MED13L: variants seen among roughly 807,000 people sequenced by gnomAD.
MED13L encodes the protein mediator of RNA polymerase II transcription subunit 13-like.
In MED13L, 7 loss-of-function variants were observed where a neutral mutation model predicts 220.9. The ratio of observed to expected loss-of-function variants is 0.03; its 90% CI spans 0.02 to 0.06. The LOEUF (loss-of-function observed/expected upper bound fraction) is 0.06, where lower values mean the gene tolerates loss of function less well. Among genes scored for constraint, MED13L ranks in the 10% least tolerant of loss-of-function variants. The pLI is 1.00. For synonymous variants in MED13L, 1,011 were observed against 1,015.2 expected (o/e 1.00, Z 0.08); for missense variants, 1,965 against 2,760.5 (o/e 0.71, Z 6.46).
At chr12:116,035,654 G>C (rs572163920) in intron 4 of MED13L, among the ~76,000 whole-genome samples, 1 of 151,976 alleles carries the variant, frequency 6.6e-6, no homozygotes, top group Non-Finnish European at 1.5e-5. Flanking sequence ...GCAGTGGCGC[G>C]ATCATGACTC....
Position 116,237,541 on chromosome 12 carries a change from A to T in MED13L, c.237T>A (p.Asp79Glu). 2.5e-6 allele frequency: 4 copies of T among 1,614,176 alleles called. No homozygotes were observed. The highest frequency in any genetic ancestry group is 3.4e-6 in the Non-Finnish European group (4 of 1,180,042). The change falls in exon 2 of 31, where the codon GAT (aspartate) becomes GAA (glutamate). Residue 79 changes from aspartate (D) to glutamate (E), a missense_variant. This residue lies in a region of MED13L where 818 missense variants were observed against 1,041.2 expected (regional missense o/e 0.79). Coordinates refer to ENST00000281928, the MANE Select transcript of MED13L (RefSeq NM_015335.5). ...LCVWRRDVKP[D>E]CKELWIFWWG... is the part of the protein sequence containing the mutation. ...ACCAGAATATCCATAACTCTTTGCAATCTGGTTTGACATCACGACGCCATA... is the reference window on the plus strand; with the variant it reads ...ACCAGAATATCCATAACTCTTTGCATTCTGGTTTGACATCACGACGCCATA...
At position 115,991,505 on chromosome 12, in the gene MED13L, G is replaced by T. The variant is rs933091120; in HGVS notation, c.3449C>A (p.Pro1150His). 1 of 1,614,142 alleles carries T rather than the reference G, an allele frequency of 6.2e-7. No individual in the cohort carries two copies. The highest frequency in any genetic ancestry group is 8.5e-7 in the Non-Finnish European group (1 of 1,180,020). The stretch of plus-strand genomic sequence containing the variant: ...GTACTGGTCCTCATTGGAAGAATCG[G>T]GGATGTAAAGCCCGACATCCGCCCC... ...IKGADVGLYI[P>H]DSSNEDQYRC... Residue 1150 changes from proline to histidine, a missense_variant, in exon 17 of 31, where the codon CCC becomes CAC. Physicochemically the swap from Pro to His is moderately conservative, Grantham distance 77 (BLOSUM62 -2). Transcript: ENST00000281928. This position sits in a 1 kb window ranked among gnomAD's most constrained non-coding sequence, Gnocchi z 7.7.
intron 4 of MED13L, among the ~76,000 whole-genome samples, chr12:116,071,593 A>G (rs1407246820): frequency 6.6e-6 from 1 of 152,054 alleles, no homozygotes. Context: ...TTCTGCAGAT[A>G]CTCTTGTTAA....
chr12:116,025,974 T>C (rs1008677822), intron 4 of MED13L, among the ~76,000 whole-genome samples: 11 of 152,096 alleles, frequency 7.2e-5, no homozygotes, highest in Admixed American at 5.2e-4. Context: ...CTCATAAATA[T>C]GTACAATTAT....
intron 1 of MED13L, among the ~76,000 whole-genome samples, chr12:116,250,898 A>C (rs957800203): frequency 6.6e-6 from 1 of 152,072 alleles, no homozygotes; most frequent in African/African-American, 2.4e-5. Flanking sequence ...AGAAAGAAGA[A>C]AAAAAGTATG....
chr12:116,186,416 A>T (rs1344326431), intron 2 of MED13L, among the ~76,000 whole-genome samples: 1 of 152,178 alleles, frequency 6.6e-6, no homozygotes. Flanking sequence ...AAAACACCTG[A>T]AGTTCTATAC....
intron 4 of MED13L, among the ~76,000 whole-genome samples, chr12:116,031,744 AGAAAAGAAAAGAAAAGAAG>A (rs1337252592): frequency 0.012 from 630 of 52,404 alleles, 1 homozygote; most frequent in Middle Eastern, 0.015. Context: ...AGAAAAGAAA[AGAAAAGAAAAGAAAAGAAG>A]GAAGGAAGGA....
chr12:116,131,959 G>C (rs557864995), intron 2 of MED13L, among the ~76,000 whole-genome samples: 12 of 152,128 alleles, frequency 7.9e-5, no homozygotes, highest in Admixed American at 7.9e-4. Flanking sequence ...CTCCAACCTG[G>C]GTGGCAGAGC....
At chr12:116,091,237 TA>T (rs1051636213) in intron 4 of MED13L, among the ~76,000 whole-genome samples, 13 of 151,066 alleles carry the variant, frequency 8.6e-5, no homozygotes, top group Non-Finnish European at 1.9e-4. Flanking sequence ...TTCTTGAAAA[TA>T]GCACATATTT....
chr12:116,095,916 A>G (rs867412319), intron 4 of MED13L, among the ~76,000 whole-genome samples: 1 of 152,146 alleles, frequency 6.6e-6, no homozygotes. Context: ...AAAGTTTAGG[A>G]TTGTTTAGGA....
At chr12:116,120,440 T>TTC (rs67306353) in intron 2 of MED13L, among the ~76,000 whole-genome samples, 1,323 of 98,240 alleles carry the variant, frequency 0.013, 16 homozygotes, top group South Asian at 0.017. Context: ...TAATCTCTCT[T>TTC]TCTCTCTCTC....
intron 4 of MED13L, among the ~76,000 whole-genome samples, chr12:116,065,474 TG>T (rs1869849370): frequency 6.6e-6 from 1 of 152,198 alleles, no homozygotes; most frequent in Non-Finnish European, 1.5e-5. Context: ...GAAGATAATT[TG>T]AAGAAATTAT....
chr12:116,104,356 T>C (rs1429794871), intron 3 of MED13L, among the ~76,000 whole-genome samples: 2 of 152,158 alleles, frequency 1.3e-5, no homozygotes, highest in Non-Finnish European at 2.9e-5. Context: ...TCTATTACAA[T>C]ATCACAACAC....
At chr12:116,068,298 G>A (rs1870109182) in intron 4 of MED13L, among the ~76,000 whole-genome samples, 1 of 152,146 alleles carries the variant, frequency 6.6e-6, no homozygotes, top group African/African-American at 2.4e-5. Context: ...CTCCACAACA[G>A]CAAGGCTCAT....
intron 2 of MED13L, among the ~76,000 whole-genome samples, chr12:116,183,803 G>GGT (rs66691805): frequency 0.091 from 9,987 of 110,080 alleles, 411 homozygotes; most frequent in South Asian, 0.21. Context: ...TAGAAAAAAT[G>GGT]GTGTGTGTGT....
chr12:115,975,070 A>G (rs1876842739), intron 25 of MED13L, 101 bp downstream of exon 25: 1 of 1,234,850 alleles, frequency 8.1e-7, no homozygotes, highest in Non-Finnish European at 1.2e-6. Flanking sequence ...AATCTGTTTA[A>G]TTCTTACAAA....
chr12:116,003,062 A>G lies in MED13L; in HGVS notation c.2510T>C (p.Val837Ala), dbSNP rs781696534. ...CCCAAGAGGTCGGTCTTCTGTCCCA[A>G]CTGCAGGCATTTTTGATGAGCGCAG... ...PALRSSKMPA[V>A]GTEDRPLGKD... Residue 837 changes from valine (V) to alanine (A), a missense_variant, in exon 14 of 31, where the codon GTT becomes GCT. Val to Ala is a moderately conservative substitution (Grantham distance 64). Transcript: ENST00000281928. 9.3e-6 allele frequency: 15 copies of G among 1,614,002 alleles called. No individual in the cohort carries two copies. Among genetic ancestry groups the G allele is most frequent in the Admixed American group, 1.7e-5 (1 of 60,004 alleles).
At chr12:116,247,402 A>C (rs1409775592) in intron 1 of MED13L, among the ~76,000 whole-genome samples, 1 of 152,234 alleles carries the variant, frequency 6.6e-6, no homozygotes, top group Admixed American at 6.5e-5. Flanking sequence ...CCAAAAGGTT[A>C]TTTAACCATG....
chr12:116,164,727 C>T (rs529145280), intron 2 of MED13L, among the ~76,000 whole-genome samples: 2 of 152,328 alleles, frequency 1.3e-5, no homozygotes, highest in Non-Finnish European at 2.9e-5. Context: ...CGATGTCACA[C>T]TGTCTTTTCA....
Sources: allele counts gnomAD v4.1 joint callset (sites outside exome capture counted in the v4.1 genomes callset), GRCh38; gene constraint gnomAD v4.1.1; regional missense constraint gnomAD v4.1.1; non-coding constraint Gnocchi (gnomAD v3.1); transcripts MANE v1.5; gene names NCBI Gene and HGNC (gene_info 2026-07-23, HGNC 2026-07-21).